The following RUBCN variants were observed in gnomAD, a reference collection of about 807,000 sequenced individuals.
RUBCN encodes the protein run domain Beclin-1-interacting and cysteine-rich domain-containing protein.
Under a neutral mutation model 113.2 loss-of-function variants are expected in RUBCN, and 74 were observed. The observed-to-expected ratio is 0.65, with a 90% confidence interval of 0.54 to 0.79. The LOEUF is 0.79. Among genes scored for constraint, RUBCN ranks in the 30% least tolerant of loss-of-function variants. The pLI is 0.00. For missense variants in RUBCN, 1,109 were observed against 1,251.7 expected (o/e 0.89, Z 1.72); for synonymous variants, 480 against 490.0 (o/e 0.98, Z 0.27).
chr3:197,699,244 A>T, intron 7 of RUBCN: 1 of 1,534,682 alleles, frequency 6.5e-7, no homozygotes. Flanking sequence ...GCCGGTAGAC[A>T]GACAGGTGCA....
Position 197,675,326 on chromosome 3 carries a change from T to C in RUBCN, c.2740+96A>G. On this transcript the variant is annotated intron_variant, in intron 19 of 19. Coordinates refer to ENST00000296343, the MANE Select transcript of RUBCN (RefSeq NM_014687.4). The surrounding 1 kb of genome is among the most constrained non-coding windows in gnomAD (Gnocchi z 4.4). The stretch of plus-strand genomic sequence containing the variant: ...CCCCTGGGGAGGCCCCGCGAGGTGC[T>C]GAGTGGCACCGAACTCTTGCTAACA... 1 of 1,498,872 alleles carries C rather than the reference T, an allele frequency of 6.7e-7. No homozygotes were observed. The highest frequency in any genetic ancestry group is 9.3e-7 in the Non-Finnish European group (1 of 1,077,380). The allele number at this position is 1,498,872 out of a possible 1,614,324, so 92.8% of individuals were successfully genotyped here.
At chr3:197,748,984 C>G (rs1237004383) in intron 1 of RUBCN, among the ~76,000 whole-genome samples, 1 of 152,140 alleles carries the variant, frequency 6.6e-6, no homozygotes, top group Non-Finnish European at 1.5e-5. Flanking sequence ...CAGAATGCAT[C>G]TGGTATTGTC....
intron 1 of RUBCN, among the ~76,000 whole-genome samples, chr3:197,719,474 C>G (rs1400423886): frequency 3.6e-5 from 4 of 110,584 alleles, no homozygotes; most frequent in African/African-American, 1.4e-4. Context: ...GTGAGATTGT[C>G]TCAAAAAAAA....
chr3:197,730,353 A>T (rs891977165), intron 1 of RUBCN, among the ~76,000 whole-genome samples: 11 of 152,130 alleles, frequency 7.2e-5, no homozygotes, highest in African/African-American at 2.7e-4. Flanking sequence ...CAGTCCAAAA[A>T]GAGTCAGCCC....
rs1580107400 is a variant in RUBCN, at chr3:197,670,191, A to G, written c.*4827T>C. Among the ~76,000 whole-genome samples, 1 of 152,220 alleles carries G rather than the reference A, an allele frequency of 6.6e-6. No homozygotes were observed. Among genetic ancestry groups the G allele is most frequent in the Non-Finnish European group, 1.5e-5 (1 of 68,034 alleles). ...CGTGAGCCACTGTGTGCGGCTCACTATCATAATTTTTATAACTGTCATTTT... is the reference window on the plus strand; with the variant it reads ...CGTGAGCCACTGTGTGCGGCTCACTGTCATAATTTTTATAACTGTCATTTT... On this transcript the variant is annotated 3_prime_UTR_variant, in exon 20 of 20. Transcript: ENST00000296343.
chr3:197,694,789 T>A (rs1722823082), intron 9 of RUBCN, among the ~76,000 whole-genome samples: 1 of 152,140 alleles, frequency 6.6e-6, no homozygotes, highest in Admixed American at 6.5e-5. Flanking sequence ...GCCAAGCCTG[T>A]CCCTTCCTGT....
chr3:197,692,315 A>G (rs1171127180), intron 11 of RUBCN, among the ~76,000 whole-genome samples: 3 of 151,952 alleles, frequency 2.0e-5, no homozygotes, highest in Non-Finnish European at 2.9e-5. Context: ...TGTGCTCGTG[A>G]TCTCTTCCTT....
chr3:197,697,587 T>C (rs1723151731), intron 7 of RUBCN, among the ~76,000 whole-genome samples: 1 of 152,086 alleles, frequency 6.6e-6, no homozygotes, highest in Non-Finnish European at 1.5e-5. Flanking sequence ...AGCAAAGGGC[T>C]CCGTTACGGG....
intron 2 of RUBCN, among the ~76,000 whole-genome samples, chr3:197,714,377 G>C (rs960152189): frequency 3.3e-5 from 5 of 152,194 alleles, no homozygotes; most frequent in Admixed American, 3.3e-4. Flanking sequence ...CTAGGCTGCA[G>C]TGGCACAATC....
chr3:197,728,738 T>A (rs1727042274), intron 1 of RUBCN, among the ~76,000 whole-genome samples: 2 of 152,036 alleles, frequency 1.3e-5, no homozygotes, highest in African/African-American at 4.8e-5. Context: ...CAGAACGTAA[T>A]GGGGGAAATG....
intron 1 of RUBCN, among the ~76,000 whole-genome samples, chr3:197,734,423 A>G (rs1727886732): frequency 6.6e-6 from 1 of 151,708 alleles, no homozygotes; most frequent in Non-Finnish European, 1.5e-5. Context: ...AAAAAAAAAA[A>G]AGCGCAGACT....
chr3:197,705,317 C>G (rs1724171874), intron 2 of RUBCN, 142 bp from the exon 3 acceptor site: 1 of 766,624 alleles, frequency 1.3e-6, no homozygotes, highest in Admixed American at 2.0e-5. Context: ...AAAGGATACA[C>G]ACAGAGGCCA....
chr3:197,694,639 A>G, intron 9 of RUBCN, 54 bp from the exon 10 acceptor site: 1 of 1,469,738 alleles, frequency 6.8e-7, no homozygotes, highest in Non-Finnish European at 9.5e-7. Context: ...TGAATGACAT[A>G]CTCATTATAA....
chr3:197,731,633 C>A (rs111753397), intron 1 of RUBCN, among the ~76,000 whole-genome samples: 1 of 150,902 alleles, frequency 6.6e-6, no homozygotes, highest in Non-Finnish European at 1.5e-5. Context: ...CTGACCCCCC[C>A]ACCTCCCTCC....
At chr3:197,737,949 C>T (rs1261260562), upstream of RUBCN, among the ~76,000 whole-genome samples, 6 of 152,210 alleles carry the variant, frequency 3.9e-5, no homozygotes, top group Admixed American at 3.3e-4. Context: ...GGTGCAGTGG[C>T]GCAATCATAG....
intron 1 of RUBCN, among the ~76,000 whole-genome samples, chr3:197,736,419 C>A (rs886921311): frequency 2.6e-5 from 4 of 152,254 alleles, no homozygotes; most frequent in African/African-American, 9.6e-5. Flanking sequence ...CCCTCCTCTG[C>A]TGCCCTTGCC....
chr3:197,735,287 T>C (rs1727990103), intron 1 of RUBCN, among the ~76,000 whole-genome samples: 1 of 152,232 alleles, frequency 6.6e-6, no homozygotes, highest in African/African-American at 2.4e-5. Flanking sequence ...TATCCCCAGC[T>C]ACTTGGGAAG....
Position 197,675,433 on chromosome 3 carries a change from C to T in RUBCN, c.2729G>A (p.Arg910Gln), listed in dbSNP as rs773789212. The T allele has an allele frequency of 3.0e-5, 49 of 1,613,336 alleles. No homozygotes were observed. Among genetic ancestry groups the T allele is most frequent in the South Asian group, 1.9e-4 (17 of 91,082 alleles). Residue 910 changes from arginine (R) to glutamine (Q), a missense_variant, in exon 19 of 20, where the codon CGG becomes CAG. Arg to Gln is a conservative substitution (Grantham distance 43, BLOSUM62 1). Around this residue, in one of 3 missense-constraint regions of RUBCN, gnomAD observed 306 missense variants for 348.9 expected, o/e 0.88. Coordinates refer to ENST00000296343, the MANE Select transcript of RUBCN (RefSeq NM_014687.4). This position sits in a 1 kb window ranked among gnomAD's most constrained non-coding sequence, Gnocchi z 4.4. ...GCACCTGCCCTCACCTTCACAGGTC[C>T]GGCACTTATGGAGCTCAAAGGGAAA... Reference protein sequence around the residue: ...IIFPFELHKCRTCEECKACYH... With the variant: ...IIFPFELHKCQTCEECKACYH...
In RUBCN at chr3:197,683,501, C is replaced by T; in HGVS notation, c.1848-62G>A. 6.3e-7 allele frequency: 1 copy of T among 1,594,070 alleles called. No homozygotes were observed. On this transcript the variant is annotated intron_variant, in intron 12 of 19. Transcript: ENST00000296343. The surrounding 1 kb of genome is among the most constrained non-coding windows in gnomAD (Gnocchi z 4.6). The stretch of plus-strand genomic sequence containing the variant: ...GAAAGGATGGGCGATGCGAGGCTTC[C>T]CTTCATGATCTCATCCCCCACGCAG...
Sources: allele counts gnomAD v4.1 joint callset (sites outside exome capture counted in the v4.1 genomes callset), GRCh38; gene constraint gnomAD v4.1.1; regional missense constraint gnomAD v4.1.1; non-coding constraint Gnocchi (gnomAD v3.1); transcripts MANE v1.5; gene names NCBI Gene and HGNC (gene_info 2026-07-23, HGNC 2026-07-21).